The following PPP6R3 variants were observed in gnomAD, a reference collection of about 807,000 sequenced individuals.
The protein encoded by PPP6R3 is protein phosphatase 6 regulatory subunit 3.
A neutral mutation model predicts 110.7 loss-of-function variants in PPP6R3; 38 were observed. The observed-to-expected ratio is 0.34, with a 90% CI of 0.26 to 0.45. The LOEUF (loss-of-function observed/expected upper bound fraction) is 0.45, where lower values mean the gene tolerates loss of function less well. Ranked by LOEUF, PPP6R3 falls within the 20% of genes least tolerant of loss-of-function variation. The pLI, the probability that PPP6R3 is intolerant of heterozygous loss-of-function variation, is 1.00. For synonymous variants in PPP6R3, 369 were observed against 373.5 expected (o/e 0.99, Z 0.14); for missense variants, 870 against 1,062.4 (o/e 0.82, Z 2.52).
At chr11:68,504,848 T>C (rs1441120366) in intron 1 of PPP6R3, among the ~76,000 whole-genome samples, 1 of 152,208 alleles carries the variant, frequency 6.6e-6, no homozygotes, top group Non-Finnish European at 1.5e-5. Context: ...CAGTGTGTTT[T>C]TACGTGTGGA....
chr11:68,573,892 T>C (rs2099520135), intron 12 of PPP6R3, among the ~76,000 whole-genome samples: 1 of 152,224 alleles, frequency 6.6e-6, no homozygotes, highest in African/African-American at 2.4e-5. Flanking sequence ...GGCTGCCATA[T>C]AATCTTTTAC....
chr11:68,573,114 T>TTATATA (rs60848718), intron 12 of PPP6R3, among the ~76,000 whole-genome samples: 1,211 of 61,596 alleles, frequency 0.02, 39 homozygotes, highest in African/African-American at 0.028. Context: ...TTTACTTATT[T>TTATATA]TATATATATA....
chr11:68,498,109 C>T (rs946606992), intron 1 of PPP6R3, among the ~76,000 whole-genome samples: 5 of 152,088 alleles, frequency 3.3e-5, no homozygotes, highest in Admixed American at 1.3e-4. Context: ...AGTATAAACA[C>T]CTTAGAATAA....
At chr11:68,564,796 T>C (rs1234319837) in intron 9 of PPP6R3, among the ~76,000 whole-genome samples, 1 of 152,158 alleles carries the variant, frequency 6.6e-6, no homozygotes, top group African/African-American at 2.4e-5. Context: ...TGGAGCAGTG[T>C]ATGTCTGATG....
intron 1 of PPP6R3, among the ~76,000 whole-genome samples, chr11:68,480,362 T>C (rs907406740): frequency 1.3e-5 from 2 of 152,244 alleles, no homozygotes; most frequent in Admixed American, 6.5e-5. Flanking sequence ...TTGTAGTCAA[T>C]GTTCAGCAAA....
chr11:68,548,291 A>G, intron 5 of PPP6R3, 87 bp downstream of exon 5: 2 of 1,538,234 alleles, frequency 1.3e-6, no homozygotes, highest in Non-Finnish European at 1.8e-6. Flanking sequence ...GAAGGAATGC[A>G]TGGGATTAGG....
At chr11:68,555,641 A>G (rs947020477) in intron 7 of PPP6R3, among the ~76,000 whole-genome samples, 5 of 152,328 alleles carry the variant, frequency 3.3e-5, no homozygotes, top group East Asian at 1.9e-4. Flanking sequence ...TTTGGACCCA[A>G]TGTGTAACCT....
chr11:68,532,841 A>C (rs905478160), intron 2 of PPP6R3, among the ~76,000 whole-genome samples: 1 of 152,326 alleles, frequency 6.6e-6, no homozygotes, highest in Admixed American at 6.5e-5. Context: ...GCCTAGCAGC[A>C]ATAGGCTATA....
intron 18 of PPP6R3, among the ~76,000 whole-genome samples, chr11:68,592,384 G>A (rs1238519211): frequency 3.3e-5 from 5 of 151,960 alleles, no homozygotes; most frequent in Non-Finnish European, 5.9e-5. Flanking sequence ...ATGTTTTCAC[G>A]TGGCCTAGAA....
At chr11:68,595,666 TAAG>T (rs1175908034) in intron 18 of PPP6R3, among the ~76,000 whole-genome samples, 102 of 152,320 alleles carry the variant, frequency 6.7e-4, no homozygotes, top group Admixed American at 6.3e-3. Context: ...TGTATAGAGT[TAAG>T]AAATCTCTTT....
chr11:68,540,058 G>A (rs763187903), intron 3 of PPP6R3, among the ~76,000 whole-genome samples: 1 of 152,218 alleles, frequency 6.6e-6, no homozygotes, highest in Non-Finnish European at 1.5e-5. Flanking sequence ...AATGGAAGGA[G>A]GGAGGGTTGG....
chr11:68,599,785 C>T (rs949397283), intron 19 of PPP6R3, among the ~76,000 whole-genome samples: 30 of 152,192 alleles, frequency 2.0e-4, no homozygotes, highest in African/African-American at 6.8e-4. Context: ...GTGCATGTAG[C>T]TTTGAATCTC....
chr11:68,607,841 A>G (rs934012254), intron 22 of PPP6R3, among the ~76,000 whole-genome samples: 3 of 151,892 alleles, frequency 2.0e-5, no homozygotes, highest in Admixed American at 6.6e-5. Context: ...TGGCACAATC[A>G]TAGCTCACTG....
In PPP6R3 at chr11:68,554,213, T is replaced by G. The variant is rs781436843; in HGVS notation, c.687T>G (p.Ile229Met). ...TGAGCAGAGACCAGATGTTACAAAT[T>G]CAGAACAGTACAGAGCCCGACCCCC... The part of the protein sequence containing the change: ...VRLSRDQMLQ[I>M]QNSTEPDPLL... Residue 229 changes from isoleucine (I) to methionine (M), a missense_variant, in exon 7 of 24, where the codon ATT becomes ATG. Transcript: ENST00000393800. 2 of 1,613,992 alleles carry G rather than the reference T, an allele frequency of 1.2e-6. No individual in the cohort carries two copies. The highest frequency in any genetic ancestry group is 1.7e-6 in the Non-Finnish European group (2 of 1,179,938).
At chr11:68,612,243 A>G (rs1298869632) in intron 23 of PPP6R3, among the ~76,000 whole-genome samples, 1 of 152,220 alleles carries the variant, frequency 6.6e-6, no homozygotes, top group Non-Finnish European at 1.5e-5. Context: ...AGATGTAAGT[A>G]AGTGAGCAGA....
At chr11:68,612,136 C>T (rs1943773894) in intron 23 of PPP6R3, among the ~76,000 whole-genome samples, 1 of 152,202 alleles carries the variant, frequency 6.6e-6, no homozygotes, top group Non-Finnish European at 1.5e-5. Flanking sequence ...TATAAGATCA[C>T]TCAGCTTGTT....
At chr11:68,477,192 G>A (rs1461424334) in intron 1 of PPP6R3, among the ~76,000 whole-genome samples, 2 of 151,964 alleles carry the variant, frequency 1.3e-5, no homozygotes. Flanking sequence ...TTCCATCTCT[G>A]TTCAAACTAG....
At chr11:68,566,285 T>C (rs1390923105) in intron 9 of PPP6R3, among the ~76,000 whole-genome samples, 1 of 151,990 alleles carries the variant, frequency 6.6e-6, no homozygotes, top group Non-Finnish European at 1.5e-5. Flanking sequence ...CCACTTCTTC[T>C]TCTTCTTTAT....
chr11:68,527,584 C>T (rs1049612119), intron 2 of PPP6R3, among the ~76,000 whole-genome samples: 64 of 151,784 alleles, frequency 4.2e-4, no homozygotes, highest in Non-Finnish European at 1.0e-4. Context: ...GCATCAGTGT[C>T]ATCTCCACGT....
Sources: allele counts gnomAD v4.1 joint callset (sites outside exome capture counted in the v4.1 genomes callset), GRCh38; gene constraint gnomAD v4.1.1; transcripts MANE v1.5; gene names NCBI Gene and HGNC (gene_info 2026-07-23, HGNC 2026-07-21).